PIK3CD: variants seen among roughly 807,000 people sequenced by gnomAD.
The protein encoded by PIK3CD is phosphatidylinositol-4,5-bisphosphate 3-kinase catalytic subunit delta, also known as phosphatidylinositol 4,5-bisphosphate 3-kinase catalytic subunit delta isoform.
A neutral mutation model predicts 122.9 loss-of-function variants in PIK3CD; 20 were observed. The ratio of observed to expected loss-of-function variants is 0.16; its 90% CI spans 0.11 to 0.24. The LOEUF is 0.24. Ranked by LOEUF, PIK3CD falls within the 10% of genes least tolerant of loss-of-function variation. PIK3CD has a pLI of 1.00. For missense variants in PIK3CD, 787 were observed against 1,406.3 expected (o/e 0.56, Z 7.04); for synonymous variants, 596 against 593.4 (o/e 1.00, Z -0.06).
chr1:9,719,236 C>T lies in PIK3CD; in HGVS notation c.1242+321C>T, dbSNP rs569199155. Among the ~76,000 whole-genome samples, 21 of 152,344 alleles carry T rather than the reference C, an allele frequency of 1.4e-4. No homozygotes were observed. Among genetic ancestry groups the T allele is most frequent in the Non-Finnish European group, 2.9e-4 (20 of 68,034 alleles). ...CCTGGAGCAGAAAAGCCTGAGTCAGCGGCTGGCCGGGAGGCGTAGTGGCTG... is the reference window on the plus strand; with the variant it reads ...CCTGGAGCAGAAAAGCCTGAGTCAGTGGCTGGCCGGGAGGCGTAGTGGCTG... On this transcript the variant is annotated intron_variant, in intron 9 of 23. Coordinates refer to ENST00000377346, the MANE Select transcript of PIK3CD (RefSeq NM_005026.5). This position sits in a 1 kb window ranked among gnomAD's most constrained non-coding sequence, Gnocchi z 5.5.
At chr1:9,712,885 A>AT in intron 3 of PIK3CD, among the ~76,000 whole-genome samples, 1 of 152,062 alleles carries the variant, frequency 6.6e-6, no homozygotes, top group Non-Finnish European at 1.5e-5. Flanking sequence ...AAAATGAAAA[A>AT]TAAAAAAATT....
chr1:9,724,737 C>G lies in PIK3CD; in HGVS notation c.2865-67C>G. The G allele has an allele frequency of 6.2e-7, 1 of 1,600,470 alleles. No homozygotes were observed. Among genetic ancestry groups the G allele is most frequent in the South Asian group, 1.1e-5 (1 of 90,726 alleles). On this transcript the variant is annotated intron_variant, in intron 22 of 23. Transcript: ENST00000377346. This position sits in a 1 kb window ranked among gnomAD's most constrained non-coding sequence, Gnocchi z 7.3. ...CCTTGGGGAAGGGGCTGGTTGGATG[C>G]AGAGCGGCCCTCTGGCCTGTGGCTG...
the PIK3CD span, among the ~76,000 whole-genome samples, chr1:9,639,854 C>A: frequency 6.6e-6 from 1 of 152,086 alleles, no homozygotes; most frequent in East Asian, 1.9e-4. Context: ...CTCAGCCTCC[C>A]GAGTAGCTGG....
intron 1 of PIK3CD, among the ~76,000 whole-genome samples, chr1:9,669,270 G>T (rs1350615102): frequency 1.3e-5 from 2 of 152,190 alleles, no homozygotes; most frequent in African/African-American, 4.8e-5. Context: ...CTGGGTTCAA[G>T]TGATCCGCCC....
chr1:9,665,529 C>T (rs1645133836), intron 1 of PIK3CD, among the ~76,000 whole-genome samples: 1 of 151,604 alleles, frequency 6.6e-6, no homozygotes, highest in Non-Finnish European at 1.5e-5. Flanking sequence ...CAGTACATGC[C>T]GGCACTGCAG....
rs573353384 is a variant in PIK3CD, at chr1:9,720,324, G to A, written c.1470+82G>A. ...CTGCTCCTGGAGCTCTTCAGAGGGT[G>A]CTCCCTGGCCACGTCGGGGCTGGGC... On this transcript the variant is annotated intron_variant, in intron 11 of 23. Transcript: ENST00000377346. This position sits in a 1 kb window ranked among gnomAD's most constrained non-coding sequence, Gnocchi z 9.0. The A allele has an allele frequency of 6.6e-3, 10,058 of 1,514,484 alleles. 50 individuals carry two copies. The highest frequency in any genetic ancestry group is 8.2e-3 in the Non-Finnish European group (9,205 of 1,122,780). 93.8% of individuals were successfully genotyped at this position (1,514,484 alleles called of 1,614,324 possible).
chr1:9,696,369 T>C (rs1327213762), intron 2 of PIK3CD, among the ~76,000 whole-genome samples: 2 of 151,572 alleles, frequency 1.3e-5, no homozygotes, highest in African/African-American at 2.4e-5. Flanking sequence ...GGAGGATCAC[T>C]TGAGCCCAGG....
chr1:9,722,329 G>A lies in PIK3CD; in HGVS notation c.2320G>A (p.Val774Met), dbSNP rs370932461. ...SNEEAGSGGSVGIIFKNGDDL... is the reference protein window; with the variant it reads ...SNEEAGSGGSMGIIFKNGDDL... ...CGAGGAGGCAGGCAGCGGCGGCAGCGTGGGCATCATCTTTAAGAACGGGGA... is the reference window on the plus strand; with the variant it reads ...CGAGGAGGCAGGCAGCGGCGGCAGCATGGGCATCATCTTTAAGAACGGGGA... The change falls in exon 18 of 24, where the codon GTG becomes ATG. Residue 774 changes from valine to methionine, a missense_variant. Physicochemically the swap from Val to Met is conservative, Grantham distance 21. Around this residue, in one of 6 missense-constraint regions of PIK3CD, gnomAD observed 69 missense variants for 166.8 expected, o/e 0.41. Coordinates refer to ENST00000377346, the MANE Select transcript of PIK3CD (RefSeq NM_005026.5). This position sits in a 1 kb window ranked among gnomAD's most constrained non-coding sequence, Gnocchi z 7.6. 60 of 1,612,938 alleles carry A rather than the reference G, an allele frequency of 3.7e-5. No homozygotes were observed. The highest frequency in any genetic ancestry group is 1.6e-4 in the Middle Eastern group (1 of 6,082).
the PIK3CD span, among the ~76,000 whole-genome samples, chr1:9,642,777 A>G: frequency 1.3e-5 from 2 of 150,580 alleles, no homozygotes; most frequent in South Asian, 4.2e-4. Flanking sequence ...GCGTGTCACA[A>G]CCTGCTGTTG....
At chr1:9,716,376 G>C (rs1286347530) in intron 5 of PIK3CD, 64 bp from the exon 6 acceptor site, 1 of 1,523,306 alleles carries the variant, frequency 6.6e-7, no homozygotes, top group African/African-American at 1.4e-5. Flanking sequence ...AGGCAACCCT[G>C]CCCTGTGCCC....
At chr1:9,628,834 G>A in the PIK3CD span, among the ~76,000 whole-genome samples, 15 of 152,252 alleles carry the variant, frequency 9.9e-5, no homozygotes, top group East Asian at 3.9e-4. Flanking sequence ...GACGAGCTGC[G>A]GTCAAGACTA....
intron 1 of PIK3CD, among the ~76,000 whole-genome samples, chr1:9,682,867 A>T (rs1645809001): frequency 6.6e-6 from 1 of 152,104 alleles, no homozygotes; most frequent in South Asian, 2.1e-4. Context: ...GTAACAATGG[A>T]TGTCCATTTT....
At chr1:9,645,454 T>G in the PIK3CD span, among the ~76,000 whole-genome samples, 1 of 151,852 alleles carries the variant, frequency 6.6e-6, no homozygotes, top group Non-Finnish European at 1.5e-5. Flanking sequence ...TTTATTTTAT[T>G]TATTTATTTA....
intron 6 of PIK3CD, 88 bp from the exon 7 acceptor site, chr1:9,716,871 T>TGG: frequency 6.3e-7 from 1 of 1,576,918 alleles, no homozygotes; most frequent in South Asian, 1.1e-5. Flanking sequence ...GGACAGGCAG[T>TGG]GGGCAGCTTG....
At chr1:9,707,548 G>C (rs2100730055) in intron 2 of PIK3CD, among the ~76,000 whole-genome samples, 1 of 151,944 alleles carries the variant, frequency 6.6e-6, no homozygotes, top group East Asian at 1.9e-4. Context: ...CGTGTGTGCT[G>C]TTCCCCTCTG....
In PIK3CD at chr1:9,724,127, C is replaced by T; in HGVS notation, c.2718+35C>T. The stretch of plus-strand genomic sequence containing the variant: ...CTGGTGCTGGCGGCTGCTGTGGGGA[C>T]TTGGCTTCTGGCCCCAGCCTGCTGG... On this transcript the variant is annotated intron_variant, in intron 21 of 23. Transcript: ENST00000377346. The surrounding 1 kb of genome is among the most constrained non-coding windows in gnomAD (Gnocchi z 7.3). 6.2e-7 allele frequency: 1 copy of T among 1,614,000 alleles called. No homozygotes were observed. The highest frequency in any genetic ancestry group is 8.5e-7 in the Non-Finnish European group (1 of 1,180,018).
chr1:9,691,594 G>A (rs1338399515), intron 2 of PIK3CD, 23 bp downstream of exon 2: 9 of 398,460 alleles, frequency 2.3e-5, no homozygotes, highest in Non-Finnish European at 3.5e-5. Context: ...AACGGGCCAA[G>A]TGTGTGGGGG....
chr1:9,665,833 G>A (rs1236782371), intron 1 of PIK3CD, among the ~76,000 whole-genome samples: 3 of 151,158 alleles, frequency 2.0e-5, no homozygotes, highest in East Asian at 2.0e-4. Flanking sequence ...CACTCACTGC[G>A]ACCTCCGCCT....
intron 2 of PIK3CD, among the ~76,000 whole-genome samples, chr1:9,708,177 T>TTTGC (rs1313347683): frequency 6.9e-6 from 1 of 144,770 alleles, no homozygotes; most frequent in Admixed American, 6.8e-5. Flanking sequence ...AGGCTTTTTG[T>TTTGC]TTGTTTGTTT....
Sources: gnomAD v4.1 joint callset for allele counts (sites outside exome capture counted in the v4.1 genomes callset) on GRCh38, gnomAD v4.1.1 for gene constraint, gnomAD v4.1.1 regional missense constraint, Gnocchi (gnomAD v3.1) non-coding constraint, MANE v1.5 for transcripts, NCBI Gene and HGNC (gene_info 2026-07-23, HGNC 2026-07-21) for gene names.